The following PAPPA variants were observed in gnomAD, a reference collection of about 807,000 sequenced individuals.
PAPPA encodes the protein pappalysin-1.
Under a neutral mutation model 164.0 loss-of-function variants are expected in PAPPA, and 60 were observed. The observed-to-expected ratio is 0.37, with a 90% confidence interval of 0.30 to 0.45. The LOEUF (loss-of-function observed/expected upper bound fraction) is 0.45, where lower values mean the gene tolerates loss of function less well. Among genes scored for constraint, PAPPA ranks in the 20% least tolerant of loss-of-function variants. PAPPA has a pLI of 1.00. For synonymous variants in PAPPA, 875 were observed against 814.1 expected, an observed-to-expected ratio of 1.07 and a Z score of -1.27; for missense variants, 1,782 against 2,087.3, an observed-to-expected ratio of 0.85 and a Z score of 2.85.
At chr9:116,202,006 C>A (rs1564182070) in intron 2 of PAPPA, among the ~76,000 whole-genome samples, 1 of 152,114 alleles carries the variant, frequency 6.6e-6, no homozygotes, top group Non-Finnish European at 1.5e-5. Flanking sequence ...TTAAAGATCT[C>A]CTCAGCTATC....
chr9:116,346,894 A>T (rs1163997164), intron 14 of PAPPA, 132 bp from the exon 15 acceptor site: 2 of 603,370 alleles, frequency 3.3e-6, no homozygotes, highest in Non-Finnish European at 5.8e-6. Flanking sequence ...AAAGTGAGCT[A>T]ACGTTAAACA....
Position 116,154,063 on chromosome 9 carries a change from C to T in PAPPA, c.-110C>T, listed in dbSNP as rs1374525061. 6.1e-6 allele frequency: 7 copies of T among 1,148,356 alleles called. No individual in the cohort carries two copies. The highest frequency in any genetic ancestry group is 7.6e-6 in the Non-Finnish European group (7 of 926,828). 71.1% of individuals were successfully genotyped at this position (1,148,356 alleles called of 1,614,324 possible). A position where few individuals can be genotyped will look rare whatever the true frequency, so the allele number is the denominator to read the frequency against. On this transcript the variant is annotated 5_prime_UTR_variant, in exon 1 of 22. Transcript: ENST00000328252. This position sits in a 1 kb window ranked among gnomAD's most constrained non-coding sequence, Gnocchi z 5.2. ...AAAAAAGCAAGTGGAAAGGGGGGCT[C>T]GCCCAAGAAGGGTGAAGAAGCGAAG...
chr9:116,382,580 C>G, intron 21 of PAPPA, 87 bp downstream of exon 21: 3 of 825,102 alleles, frequency 3.6e-6, no homozygotes, highest in Non-Finnish European at 6.5e-6. Context: ...GGCTGGACAA[C>G]CCTTGTCCTA....
At chr9:116,201,022 A>C (rs1250819316) in intron 2 of PAPPA, among the ~76,000 whole-genome samples, 1 of 152,224 alleles carries the variant, frequency 6.6e-6, no homozygotes, top group Admixed American at 6.5e-5. Flanking sequence ...CAAGATTCCA[A>C]GAATTTAATA....
At chr9:116,156,346 A>ATATATATG (rs776123892) in intron 1 of PAPPA, among the ~76,000 whole-genome samples, 3 of 82,502 alleles carry the variant, frequency 3.6e-5, no homozygotes, top group Non-Finnish European at 6.2e-5. Context: ...ATATATATAT[A>ATATATATG]TGTATATATA....
intron 19 of PAPPA, among the ~76,000 whole-genome samples, chr9:116,374,891 C>T (rs1032564708): frequency 6.6e-6 from 1 of 152,242 alleles, no homozygotes; most frequent in Non-Finnish European, 1.5e-5. Flanking sequence ...GGGGGAAGAA[C>T]GTAGCTTAAT....
At chr9:116,278,187 C>T (rs1845224358) in intron 9 of PAPPA, among the ~76,000 whole-genome samples, 1 of 152,158 alleles carries the variant, frequency 6.6e-6, no homozygotes, top group South Asian at 2.1e-4. Context: ...CCCAGCTGTG[C>T]CAGTTTTTCT....
chr9:116,188,249 G>A (rs768736090), intron 2 of PAPPA, 33 bp downstream of exon 2: 5 of 1,510,606 alleles, frequency 3.3e-6, no homozygotes, highest in Middle Eastern at 3.8e-4. Flanking sequence ...ATGCCCAGTT[G>A]AAAGTTGAAC....
At chr9:116,266,126 T>C (rs752449827) in intron 8 of PAPPA, 141 bp downstream of exon 8, 17 of 651,940 alleles carry the variant, frequency 2.6e-5, no homozygotes, top group Middle Eastern at 4.2e-4. Flanking sequence ...AGTCTCTGGA[T>C]TGGTCTCCAA....
rs2118825618 is a variant in PAPPA at position 116,271,264 on chromosome 9, C to T, written c.2862-61C>T. 5.0e-6 allele frequency: 6 copies of T among 1,196,014 alleles called. No homozygotes were observed. In the East Asian group the frequency reaches 7.0e-5, roughly 14 times the overall value. 74.1% of individuals were successfully genotyped at this position (1,196,014 alleles called of 1,614,324 possible). On this transcript the variant is annotated intron_variant, in intron 8 of 21. Coordinates refer to ENST00000328252, the MANE Select transcript of PAPPA (RefSeq NM_002581.5). This position sits in a 1 kb window ranked among gnomAD's most constrained non-coding sequence, Gnocchi z 4.2. ...TTCATGGCCCAGGGAGGGACTTTTC[C>T]ATGTCCAGCCATGGTTTTAAGACTA...
At chr9:116,198,005 G>A (rs1317879427) in intron 2 of PAPPA, among the ~76,000 whole-genome samples, 2 of 152,180 alleles carry the variant, frequency 1.3e-5, no homozygotes, top group Non-Finnish European at 2.9e-5. Context: ...ATTGACTGCT[G>A]CAGCTCATGA....
intron 10 of PAPPA, chr9:116,316,464 G>A (rs556729315): frequency 1.3e-5 from 2 of 152,366 alleles, no homozygotes; most frequent in African/African-American, 4.8e-5. Context: ...CCCTGCGTTT[G>A]TGCAGATGTC....
intron 5 of PAPPA, 57 bp from the exon 6 acceptor site, chr9:116,227,374 T>C (rs1170298896): frequency 4.4e-6 from 7 of 1,599,828 alleles, no homozygotes; most frequent in East Asian, 2.2e-5. Flanking sequence ...GTCCCATCAG[T>C]TGCTCATTCA....
intron 7 of PAPPA, among the ~76,000 whole-genome samples, chr9:116,265,239 A>G (rs1428823627): frequency 6.6e-6 from 1 of 152,300 alleles, no homozygotes; most frequent in South Asian, 2.1e-4. Context: ...CTCAAATAAG[A>G]AATTCATGAA....
chr9:116,297,198 G>A (rs1283743263), intron 9 of PAPPA, among the ~76,000 whole-genome samples: 1 of 152,090 alleles, frequency 6.6e-6, no homozygotes, highest in Non-Finnish European at 1.5e-5. Flanking sequence ...CAAAGGAGGG[G>A]CATGGTAAGA....
rs1844380776 is a variant in PAPPA, at chr9:116,216,949, T to C, written c.1919-2988T>C. ...TGGAGACAGGGTTTCACCATGTTGG[T>C]CAGGGTGGTCTCGAATTCCTGACCT... On this transcript the variant is annotated intron_variant, in intron 4 of 21. Transcript: ENST00000328252. 1.3e-5 allele frequency among the ~76,000 whole-genome samples: 2 copies of C among 151,862 alleles called. 1 individual carries two copies. Among genetic ancestry groups the C allele is most frequent in the South Asian group, 4.2e-4 (2 of 4,796 alleles).
rs556637678 is a variant in PAPPA, at chr9:116,234,507, C to T, written c.2234-632C>T. Among the ~76,000 whole-genome samples, 11 of 152,226 alleles carry T rather than the reference C, an allele frequency of 7.2e-5. No homozygotes were observed. The South Asian group carries it at 2.3e-3, about 32-fold the overall frequency. The stretch of plus-strand genomic sequence containing the variant: ...GTCTGCAGGGTGGATGCTATTTATG[C>T]TCACCTATTCTTTGCTGGTCGGGGG... On this transcript the variant is annotated intron_variant, in intron 6 of 21. Coordinates refer to ENST00000328252, the MANE Select transcript of PAPPA (RefSeq NM_002581.5).
chr9:116,157,793 C>T (rs1843621067), intron 1 of PAPPA, among the ~76,000 whole-genome samples: 3 of 152,162 alleles, frequency 2.0e-5, no homozygotes, highest in Admixed American at 6.5e-5. Context: ...ATTTGGGCTC[C>T]CTTTCAAGTC....
In PAPPA at chr9:116,367,565, G is replaced by A. The variant is rs976095531; in HGVS notation, c.4496-80G>A. On this transcript the variant is annotated intron_variant, in intron 18 of 21. Transcript: ENST00000328252. ...GTCCACCAGGGACCAGGGAGTGGGA[G>A]GGCCCACTCTGCAGGAGGGCAGTTT... 6.1e-6 allele frequency: 6 copies of A among 990,408 alleles called. No individual in the cohort carries two copies. The Admixed American group carries it at 1.2e-4, about 19-fold the overall frequency. 61.4% of individuals were successfully genotyped at this position (990,408 alleles called of 1,614,324 possible).
Sources: gnomAD v4.1 joint callset for allele counts (sites outside exome capture counted in the v4.1 genomes callset) on GRCh38, gnomAD v4.1.1 for gene constraint, Gnocchi (gnomAD v3.1) non-coding constraint, MANE v1.5 for transcripts, NCBI Gene and HGNC (gene_info 2026-07-23, HGNC 2026-07-21) for gene names.